Variants in ARMH1 observed in about 807,000 individuals in gnomAD.
ARMH1 encodes armadillo like helical domain containing 1, also known as armadillo-like helical domain containing protein 1.
A neutral mutation model predicts 50.2 loss-of-function variants in ARMH1; 34 were observed. That is an observed-to-expected ratio of 0.68 (90% CI 0.51 to 0.90). ARMH1 has a LOEUF of 0.90. Ranked by LOEUF, ARMH1 falls within the 40% of genes least tolerant of loss-of-function variation. The pLI is 0.00. For missense variants in ARMH1, 538 were observed against 553.9 expected, an observed-to-expected ratio of 0.97 and a Z score of 0.29; for synonymous variants, 221 against 224.2, an observed-to-expected ratio of 0.99 and a Z score of 0.13.
At chr1:44,723,316 G>A (rs536260002) in intron 6 of ARMH1, among the ~76,000 whole-genome samples, 2 of 152,280 alleles carry the variant, frequency 1.3e-5, no homozygotes, top group South Asian at 4.1e-4. Flanking sequence ...AATTCAGTCT[G>A]TATCCTCAAC....
intron 6 of ARMH1, among the ~76,000 whole-genome samples, chr1:44,718,417 A>G (rs1000276616): frequency 6.6e-6 from 1 of 152,372 alleles, no homozygotes; most frequent in African/African-American, 2.4e-5. Flanking sequence ...CAAATGGTAG[A>G]ACAAGTGAGA....
intron 5 of ARMH1, among the ~76,000 whole-genome samples, chr1:44,703,456 C>T (rs1489348981): frequency 6.6e-6 from 1 of 151,476 alleles, no homozygotes; most frequent in Non-Finnish European, 1.5e-5. Flanking sequence ...GGCACAGTGG[C>T]TCATGCCTGT....
chr1:44,724,023 G>A lies in ARMH1; in HGVS notation c.725-99G>A. On this transcript the variant is annotated intron_variant, in intron 6 of 11. Coordinates refer to ENST00000535358, the MANE Select transcript of ARMH1 (RefSeq NM_001145636.2). This position sits in a 1 kb window ranked among gnomAD's most constrained non-coding sequence, Gnocchi z 6.4. ...TGCACAGTGCTGATCAGTAAAAGAG[G>A]AGGACACTGACGAGTGGCGACTTGG... 1 of 1,437,256 alleles carries A rather than the reference G, an allele frequency of 7.0e-7. No homozygotes were observed. The highest frequency in any genetic ancestry group is 9.3e-7 in the Non-Finnish European group (1 of 1,070,712). 89.0% of individuals were successfully genotyped at this position (1,437,256 alleles called of 1,614,324 possible). A position where few individuals can be genotyped will look rare whatever the true frequency, so the allele number is the denominator to read the frequency against.
chr1:44,688,793 CACTGAAAAT>C (rs1232298481), intron 1 of ARMH1, among the ~76,000 whole-genome samples: 1 of 152,200 alleles, frequency 6.6e-6, no homozygotes, highest in East Asian at 1.9e-4. Flanking sequence ...TCCCTCCCCC[CACTGAAAAT>C]ACTCTCCCAA....
intron 1 of ARMH1, among the ~76,000 whole-genome samples, chr1:44,675,284 A>G (rs549356135): frequency 6.6e-6 from 1 of 152,278 alleles, no homozygotes; most frequent in East Asian, 1.9e-4. Flanking sequence ...TGAGGAGCTC[A>G]GAATCAGAGA....
rs372099401 is a variant in ARMH1 at position 44,700,972 on chromosome 1, C to A, written c.492C>A (p.Thr164=). 92 of 1,551,344 alleles carry A rather than the reference C, an allele frequency of 5.9e-5. No individual in the cohort carries two copies. The highest frequency in any genetic ancestry group is 7.7e-5 in the Non-Finnish European group (88 of 1,146,956). ...EFLAKSKSEE[T]QEEVQVLLDS... ...TGGCAAAGTCTAAGTCAGAAGAGAC[C>A]CAGGAGGAAGTGCAGGTTCTGTTGG... The change falls in exon 5 of 12, where the codon ACC becomes ACA. Residue 164 remains threonine, a synonymous_variant. Coordinates refer to ENST00000535358, the MANE Select transcript of ARMH1 (RefSeq NM_001145636.2).
chr1:44,696,795 C>T (rs974763482), intron 2 of ARMH1, among the ~76,000 whole-genome samples: 1 of 152,150 alleles, frequency 6.6e-6, no homozygotes, highest in African/African-American at 2.4e-5. Context: ...GGGATATTGA[C>T]CCCCAGCCTT....
intron 1 of ARMH1, among the ~76,000 whole-genome samples, chr1:44,680,853 A>T (rs973886891): frequency 1.3e-5 from 2 of 152,146 alleles, no homozygotes; most frequent in Non-Finnish European, 2.9e-5. Flanking sequence ...TTCCACAGCC[A>T]GTCAGTCACC....
chr1:44,684,235 C>A (rs1645398133), intron 1 of ARMH1, among the ~76,000 whole-genome samples: 1 of 152,126 alleles, frequency 6.6e-6, no homozygotes. Context: ...CTGTTTTCAT[C>A]TTATTAATTA....
At chr1:44,709,408 C>T (rs960750817) in intron 6 of ARMH1, among the ~76,000 whole-genome samples, 4 of 152,172 alleles carry the variant, frequency 2.6e-5, no homozygotes, top group African/African-American at 4.8e-5. Context: ...CGCGGTGGCT[C>T]ACGCCTTTAA....
chr1:44,710,988 T>C (rs1352862430), intron 6 of ARMH1, among the ~76,000 whole-genome samples: 1 of 152,240 alleles, frequency 6.6e-6, no homozygotes, highest in Non-Finnish European at 1.5e-5. Flanking sequence ...TAGCATAATA[T>C]TTTCAAGGTT....
chr1:44,714,461 T>G (rs1488004479), intron 6 of ARMH1, among the ~76,000 whole-genome samples: 1 of 151,818 alleles, frequency 6.6e-6, no homozygotes, highest in African/African-American at 2.4e-5. Context: ...GGTGCATGCC[T>G]GTAATCCCAG....
chr1:44,724,375 G>C lies in ARMH1; in HGVS notation c.903G>C (p.Ala301=). Residue 301 remains alanine (A), a synonymous_variant, in exon 8 of 12, where the codon GCG becomes GCC. Transcript: ENST00000535358. This position sits in a 1 kb window ranked among gnomAD's most constrained non-coding sequence, Gnocchi z 6.4. ...TGCCGATGTTTTTGCAGCAGGCCGC[G>C]GCCGCCAAGGCCATCGGGTAAGCGG... ...PSLPMFLQQA[A]AAKAIGVLAR... is the part of the protein sequence containing the mutation. 1 of 1,550,754 alleles carries C rather than the reference G, an allele frequency of 6.4e-7. No individual in the cohort carries two copies. Among genetic ancestry groups the C allele is most frequent in the Non-Finnish European group, 8.7e-7 (1 of 1,146,916 alleles).
chr1:44,724,609 G>T lies in ARMH1; in HGVS notation c.991G>T (p.Ala331Ser). The T allele has an allele frequency of 6.6e-7, 1 of 1,515,214 alleles. No homozygotes were observed. Among genetic ancestry groups the T allele is most frequent in the Non-Finnish European group, 8.8e-7 (1 of 1,134,856 alleles). The allele number at this position is 1,515,214 out of a possible 1,614,324, so 93.9% of individuals were successfully genotyped here. ...CCTGCGCGTGGTGCGTGGCCTAATGGCCGCCATGGGCAACACGGACCACAG... is the reference window on the plus strand; with the variant it reads ...CCTGCGCGTGGTGCGTGGCCTAATGTCCGCCATGGGCAACACGGACCACAG... The part of the protein sequence containing the change: ...LYLRVVRGLM[A>S]AMGNTDHSNS... The change falls in exon 9 of 12, where the codon GCC (alanine) becomes TCC (serine). Residue 331 changes from alanine (A) to serine (S), a missense_variant. Physicochemically the swap from Ala to Ser is moderately conservative, Grantham distance 99 (BLOSUM62 1). Transcript: ENST00000535358. The surrounding 1 kb of genome is among the most constrained non-coding windows in gnomAD (Gnocchi z 6.4).
At position 44,698,121 on chromosome 1, in the gene ARMH1, C is replaced by G. The variant is rs754457991; in HGVS notation, c.334C>G (p.Leu112Val). ...VGGVLTLLEI[L>V]GLEKIKEEAK... ...AGGTGTCCTAACCCTCTTGGAAATA[C>G]TTGGGCTAGAGAAGATCAAGGAGGA... The change falls in exon 4 of 12, where the codon CTT becomes GTT. Residue 112 changes from leucine to valine, a missense_variant. By Grantham distance (32) the Leu-to-Val change is conservative. Coordinates refer to ENST00000535358, the MANE Select transcript of ARMH1 (RefSeq NM_001145636.2). 18 of 1,552,150 alleles carry G rather than the reference C, an allele frequency of 1.2e-5. 1 individual carries two copies. Among genetic ancestry groups the G allele is most frequent in the Admixed American group, 5.9e-5 (3 of 50,986 alleles).
chr1:44,724,667 A>T lies in ARMH1; in HGVS notation c.1049A>T (p.Glu350Val). 1 of 1,490,710 alleles carries T rather than the reference A, an allele frequency of 6.7e-7. No homozygotes were observed. Among genetic ancestry groups the T allele is most frequent in the Non-Finnish European group, 8.9e-7 (1 of 1,126,360 alleles). The allele number at this position is 1,490,710 out of a possible 1,614,324, so 92.3% of individuals were successfully genotyped here. ...NSQRLASLTL[E>V]CFVQMFPLVA... ...CAGCGGCTGGCCAGCCTCACGCTGG[A>T]GGTGCGCGCGGCGGCTGGTTAGGGG... The change falls in exon 9 of 12, where the codon GAG becomes GTG. Residue 350 changes from glutamate (E) to valine (V), a missense_variant and splice_region_variant. Physicochemically the swap from Glu to Val is moderately radical, Grantham distance 121. Coordinates refer to ENST00000535358, the MANE Select transcript of ARMH1 (RefSeq NM_001145636.2). This position sits in a 1 kb window ranked among gnomAD's most constrained non-coding sequence, Gnocchi z 6.4.
chr1:44,723,423 C>A (rs1470694231), intron 6 of ARMH1, among the ~76,000 whole-genome samples: 1 of 152,196 alleles, frequency 6.6e-6, no homozygotes, highest in Non-Finnish European at 1.5e-5. Flanking sequence ...TGTAAAATAT[C>A]TACAGGAAAG....
chr1:44,705,257 G>A (rs1323681248), intron 6 of ARMH1, among the ~76,000 whole-genome samples: 4 of 152,094 alleles, frequency 2.6e-5, no homozygotes, highest in South Asian at 4.1e-4. Flanking sequence ...TTGGGAGGCC[G>A]AGGCAGGCGG....
At chr1:44,686,577 G>T (rs551034256) in intron 1 of ARMH1, among the ~76,000 whole-genome samples, 1 of 152,306 alleles carries the variant, frequency 6.6e-6, no homozygotes, top group African/African-American at 2.4e-5. Context: ...TCAGGAGGCT[G>T]AGGTAGGAGA....
Sources: gnomAD v4.1 joint callset for allele counts (sites outside exome capture counted in the v4.1 genomes callset) on GRCh38, gnomAD v4.1.1 for gene constraint, Gnocchi (gnomAD v3.1) non-coding constraint, MANE v1.5 for transcripts, NCBI Gene and HGNC (gene_info 2026-07-23, HGNC 2026-07-21) for gene names.